CUX1: variants seen among roughly 807,000 people sequenced by gnomAD.
CUX1 encodes the protein cut like homeobox 1, also known as protein CASP.
CUX1 carries 31 observed loss-of-function variants against 158.8 expected under a neutral mutation model. The observed-to-expected ratio is 0.20, with a 90% confidence interval of 0.15 to 0.26. CUX1 has a LOEUF of 0.26. Among genes scored for constraint, CUX1 ranks in the 10% least tolerant of loss-of-function variants. The pLI, the probability that CUX1 is intolerant of heterozygous loss-of-function variation, is 1.00. For synonymous variants in CUX1, 879 were observed against 862.1 expected (o/e 1.02, Z -0.34); for missense variants, 1,589 against 2,014.6 (o/e 0.79, Z 4.04).
At chr7:101,816,071 G>A (rs775827401), upstream of CUX1, 2 of 1,415,708 alleles carry the variant, frequency 1.4e-6, no homozygotes, top group Admixed American at 2.0e-5. Flanking sequence ...TATTGGAAGC[G>A]CTTTGATTTA....
At chr7:102,020,928 GA>G in intron 2 of CUX1, among the ~76,000 whole-genome samples, 1 of 151,862 alleles carries the variant, frequency 6.6e-6, no homozygotes, top group Middle Eastern at 3.4e-3. Context: ...GACCAGAGGA[GA>G]GGGGAGAGGC....
At chr7:102,246,758 C>A (rs184478293) in intron 23 of CUX1, among the ~76,000 whole-genome samples, 10 of 152,242 alleles carry the variant, frequency 6.6e-5, no homozygotes, top group African/African-American at 2.4e-4. Flanking sequence ...TTAGTAGAGA[C>A]AAGGTTCCAC....
intron 8 of CUX1, among the ~76,000 whole-genome samples, chr7:102,152,384 G>A (rs951379786): frequency 2.0e-5 from 3 of 152,096 alleles, no homozygotes; most frequent in Non-Finnish European, 2.9e-5. Flanking sequence ...TCAGAAAAAT[G>A]AGTAACAAAC....
chr7:101,834,165 CTTTTTTTTT>C (rs575992276), intron 1 of CUX1, among the ~76,000 whole-genome samples: 8 of 71,092 alleles, frequency 1.1e-4, no homozygotes, highest in South Asian at 5.4e-4. Flanking sequence ...CTGATTGTTT[CTTTTTTTTT>C]TTTTTTTTTT....
chr7:101,925,425 A>G (rs183384399), intron 2 of CUX1, among the ~76,000 whole-genome samples: 1 of 152,280 alleles, frequency 6.6e-6, no homozygotes, highest in East Asian at 1.9e-4. Context: ...GTAGATTTCT[A>G]TAGAGATAGA....
intron 17 of CUX1, among the ~76,000 whole-genome samples, chr7:102,275,622 G>A (rs1168042614): frequency 1.3e-5 from 2 of 152,202 alleles, no homozygotes; most frequent in East Asian, 3.9e-4. Context: ...CAAGTCGCCA[G>A]GCAAGTGCCC....
At chr7:102,177,393 G>C (rs1390510479) in intron 10 of CUX1, among the ~76,000 whole-genome samples, 1 of 146,476 alleles carries the variant, frequency 6.8e-6, no homozygotes, top group Non-Finnish European at 1.5e-5. Flanking sequence ...CAGCCTGGGC[G>C]ACAGACCAAA....
At chr7:102,101,110 A>C (rs1829723522) in intron 5 of CUX1, among the ~76,000 whole-genome samples, 1 of 152,206 alleles carries the variant, frequency 6.6e-6, no homozygotes, top group African/African-American at 2.4e-5. Context: ...ATTCGCCCCC[A>C]TGACCCAGAC....
chr7:102,022,395 A>ATCAC (rs1819479533), intron 2 of CUX1, among the ~76,000 whole-genome samples: 1 of 152,140 alleles, frequency 6.6e-6, no homozygotes, highest in African/African-American at 2.4e-5. Context: ...ATGTGGGTGG[A>ATCAC]TCACTTGAGC....
chr7:102,037,519 A>G (rs1162897519), intron 3 of CUX1, among the ~76,000 whole-genome samples: 1 of 151,348 alleles, frequency 6.6e-6, no homozygotes, highest in African/African-American at 2.4e-5. Flanking sequence ...CGCCCAGCTA[A>G]TTTTGTATTT....
At chr7:102,031,909 T>G (rs1820831765) in intron 3 of CUX1, among the ~76,000 whole-genome samples, 1 of 150,320 alleles carries the variant, frequency 6.7e-6, no homozygotes, top group Non-Finnish European at 1.5e-5. Flanking sequence ...ATGTGACATT[T>G]ATATTAAATA....
At position 102,256,399 on chromosome 7, in the gene CUX1, T is replaced by C; in HGVS notation, c.*7357T>C. ...ATCAGGAGTGTATTGTTATTTTGTG[T>C]TTTGTTGTCATAAATGCTTTTTGCT... On this transcript the variant is annotated 3_prime_UTR_variant, in exon 24 of 24. Transcript: ENST00000292535. The C allele has an allele frequency of 2.0e-6, 2 of 985,406 alleles. No individual in the cohort carries two copies. The highest frequency in any genetic ancestry group is 2.4e-6 in the Non-Finnish European group (2 of 829,894). 61.0% of individuals were successfully genotyped at this position (985,406 alleles called of 1,614,324 possible). A position where few individuals can be genotyped will look rare whatever the true frequency, so the allele number is the denominator to read the frequency against.
chr7:102,077,600 G>T (rs142794229), intron 4 of CUX1, among the ~76,000 whole-genome samples: 1 of 149,282 alleles, frequency 6.7e-6, no homozygotes, highest in African/African-American at 2.5e-5. Flanking sequence ...GACCAGCCTG[G>T]CAACATAGCA....
intron 11 of CUX1, among the ~76,000 whole-genome samples, chr7:102,181,036 T>G (rs111998532): frequency 0.38 from 57,022 of 151,272 alleles, 11,050 homozygotes; most frequent in Middle Eastern, 0.49. Context: ...CTGCCTCCCA[T>G]GTTCAAGTGA....
At chr7:101,902,674 T>C (rs1802282572) in intron 1 of CUX1, among the ~76,000 whole-genome samples, 1 of 152,230 alleles carries the variant, frequency 6.6e-6, no homozygotes, top group African/African-American at 2.4e-5. Flanking sequence ...AGTTGGGACC[T>C]GTCTGTTGTC....
intron 5 of CUX1, 148 bp downstream of exon 5, chr7:102,097,649 T>TA: frequency 2.5e-6 from 2 of 814,038 alleles, no homozygotes. Context: ...TCTGAGTCGT[T>TA]AAAGAGAGAT....
chr7:101,937,919 C>T (rs950371561), intron 2 of CUX1, among the ~76,000 whole-genome samples: 1 of 152,172 alleles, frequency 6.6e-6, no homozygotes, highest in Non-Finnish European at 1.5e-5. Flanking sequence ...TCAAAGTAGA[C>T]AGTCTTTAAC....
intron 1 of CUX1, among the ~76,000 whole-genome samples, chr7:101,892,712 T>C (rs1801025160): frequency 6.6e-6 from 1 of 152,196 alleles, no homozygotes; most frequent in Non-Finnish European, 1.5e-5. Context: ...TTTTCATTTT[T>C]GTGTATAATT....
At chr7:101,822,703 C>A (rs1792805218) in intron 1 of CUX1, among the ~76,000 whole-genome samples, 1 of 152,088 alleles carries the variant, frequency 6.6e-6, no homozygotes, top group Non-Finnish European at 1.5e-5. Flanking sequence ...AAGTTCGAGA[C>A]CAGCCTGGCC....
Sources: allele counts gnomAD v4.1 joint callset (sites outside exome capture counted in the v4.1 genomes callset), GRCh38; gene constraint gnomAD v4.1.1; transcripts MANE v1.5; gene names NCBI Gene and HGNC (gene_info 2026-07-23, HGNC 2026-07-21).